TBC1D4: variants seen among roughly 807,000 people sequenced by gnomAD.
TBC1D4 encodes the protein TBC (Tre-2, BUB2, CDC16) domain-containing protein.
In TBC1D4, 121 loss-of-function variants were observed where a neutral mutation model predicts 142.5. That is an observed-to-expected ratio of 0.85 (90% CI 0.73 to 0.99). The LOEUF is 0.99. Ranked by LOEUF, TBC1D4 falls within the 50% of genes least tolerant of loss-of-function variation. The pLI, the probability that TBC1D4 is intolerant of heterozygous loss-of-function variation, is 0.00. For missense variants in TBC1D4, 1,475 were observed against 1,606.6 expected (o/e 0.92, Z 1.40); for synonymous variants, 630 against 628.2 (o/e 1.00, Z -0.04).
At chr13:75,307,124 T>A (rs1877263885) in intron 14 of TBC1D4, among the ~76,000 whole-genome samples, 1 of 152,104 alleles carries the variant, frequency 6.6e-6, no homozygotes, top group African/African-American at 2.4e-5. Flanking sequence ...TACACTTGGC[T>A]AATTTGACAA....
chr13:75,312,030 G>A (rs1475137462), intron 13 of TBC1D4, among the ~76,000 whole-genome samples: 1 of 151,984 alleles, frequency 6.6e-6, no homozygotes, highest in East Asian at 1.9e-4. Flanking sequence ...ATTCTTTTAG[G>A]TGTTATTTTC....
chr13:75,396,531 A>G, intron 1 of TBC1D4, among the ~76,000 whole-genome samples: 1 of 152,190 alleles, frequency 6.6e-6, no homozygotes, highest in East Asian at 1.9e-4. Context: ...GGCATATTGT[A>G]TTTGTGTCAC....
chr13:75,401,352 T>C (rs911134450), intron 1 of TBC1D4, among the ~76,000 whole-genome samples: 1 of 152,176 alleles, frequency 6.6e-6, no homozygotes, highest in Non-Finnish European at 1.5e-5. Flanking sequence ...GAATAACTGA[T>C]TCAATTTGTC....
intron 1 of TBC1D4, among the ~76,000 whole-genome samples, chr13:75,365,687 G>A (rs1439832322): frequency 6.6e-6 from 1 of 152,116 alleles, no homozygotes; most frequent in African/African-American, 2.4e-5. Flanking sequence ...CTTCTTATAT[G>A]TGTTGTATCT....
chr13:75,342,878 A>G (rs1270174338), intron 5 of TBC1D4, among the ~76,000 whole-genome samples: 1 of 151,938 alleles, frequency 6.6e-6, no homozygotes, highest in Non-Finnish European at 1.5e-5. Context: ...GTAGGCTGGC[A>G]TTTTAAAATC....
rs2137808120 is a variant in TBC1D4, at chr13:75,285,457, G to T, written c.*1335C>A. On this transcript the variant is annotated 3_prime_UTR_variant, in exon 21 of 21. Transcript: ENST00000377636. ...ATCAACTTTCAGAGGCACTATCATAGAATCATCTCTGAAAAAGAGAACTGC... is the reference window on the plus strand; with the variant it reads ...ATCAACTTTCAGAGGCACTATCATATAATCATCTCTGAAAAAGAGAACTGC... 6.6e-6 allele frequency: 1 copy of T among 152,398 alleles called. No individual in the cohort carries two copies. The highest frequency in any genetic ancestry group is 2.1e-4 in the South Asian group (1 of 4,826). The allele number at this position is 152,398 out of a possible 1,614,324, so 9.4% of individuals were successfully genotyped here.
chr13:75,340,860 C>T (rs1331926261), intron 7 of TBC1D4, among the ~76,000 whole-genome samples: 3 of 152,134 alleles, frequency 2.0e-5, no homozygotes, highest in South Asian at 2.1e-4. Context: ...GCAGAAGAAT[C>T]GCTTGAACCC....
intron 1 of TBC1D4, among the ~76,000 whole-genome samples, chr13:75,396,899 G>A (rs1047238224): frequency 6.6e-6 from 1 of 152,068 alleles, no homozygotes; most frequent in Non-Finnish European, 1.5e-5. Flanking sequence ...ACACATAAAA[G>A]CATTTTAGAG....
At chr13:75,449,606 G>A (rs1203802226) in intron 1 of TBC1D4, among the ~76,000 whole-genome samples, 2 of 147,122 alleles carry the variant, frequency 1.4e-5, no homozygotes, top group Non-Finnish European at 3.0e-5. Context: ...TTTTTTTTGA[G>A]ATGGAGTCTT....
At chr13:75,408,632 T>G (rs945683864) in intron 1 of TBC1D4, among the ~76,000 whole-genome samples, 4 of 152,194 alleles carry the variant, frequency 2.6e-5, no homozygotes, top group Non-Finnish European at 4.4e-5. Flanking sequence ...TGTTTAACCT[T>G]TCAAAGAACT....
intron 8 of TBC1D4, among the ~76,000 whole-genome samples, chr13:75,332,363 A>G (rs1159888122): frequency 1.3e-5 from 2 of 152,232 alleles, no homozygotes; most frequent in African/African-American, 4.8e-5. Context: ...AAGGCAAATA[A>G]TTCATCCAAG....
At chr13:75,379,029 A>G (rs1377686168) in intron 1 of TBC1D4, among the ~76,000 whole-genome samples, 2 of 152,194 alleles carry the variant, frequency 1.3e-5, no homozygotes, top group Non-Finnish European at 2.9e-5. Context: ...TTTCAGGTAC[A>G]AAATGAACTA....
intron 1 of TBC1D4, among the ~76,000 whole-genome samples, chr13:75,446,287 C>T (rs891132818): frequency 1.6e-4 from 25 of 152,256 alleles, no homozygotes; most frequent in African/African-American, 3.6e-4. Flanking sequence ...GAGACGATTC[C>T]GTAGCTTTTA....
intron 1 of TBC1D4, among the ~76,000 whole-genome samples, chr13:75,430,140 C>T (rs1264074361): frequency 2.6e-5 from 4 of 152,232 alleles, no homozygotes; most frequent in East Asian, 1.9e-4. Context: ...TATGAGTTTA[C>T]ATGAAATATT....
chr13:75,377,500 C>T (rs951532518), intron 1 of TBC1D4, among the ~76,000 whole-genome samples: 1 of 152,036 alleles, frequency 6.6e-6, no homozygotes, highest in Non-Finnish European at 1.5e-5. Context: ...AAAGGGCCCA[C>T]ATGCAACAAT....
intron 1 of TBC1D4, among the ~76,000 whole-genome samples, chr13:75,466,700 A>T (rs1888182026): frequency 6.6e-6 from 1 of 151,710 alleles, no homozygotes; most frequent in Non-Finnish European, 1.5e-5. Flanking sequence ...ATGAAACCCC[A>T]TCTCTACTAA....
intron 1 of TBC1D4, among the ~76,000 whole-genome samples, chr13:75,373,883 G>A (rs1391641644): frequency 6.6e-6 from 1 of 152,006 alleles, no homozygotes; most frequent in Admixed American, 6.6e-5. Context: ...GCATGGGCTG[G>A]CAAAACGATA....
At chr13:75,417,872 G>A (rs761804752) in intron 1 of TBC1D4, among the ~76,000 whole-genome samples, 5 of 152,036 alleles carry the variant, frequency 3.3e-5, no homozygotes, top group Non-Finnish European at 4.4e-5. Context: ...TGTTCACATC[G>A]TGCCAATTAC....
At chr13:75,319,874 T>A in intron 12 of TBC1D4, 140 bp downstream of exon 12, 1 of 765,100 alleles carries the variant, frequency 1.3e-6, no homozygotes, top group Non-Finnish European at 2.1e-6. Context: ...ACATTTTCCC[T>A]ACTATATAGC....
Sources: allele counts gnomAD v4.1 joint callset (sites outside exome capture counted in the v4.1 genomes callset), GRCh38; gene constraint gnomAD v4.1.1; transcripts MANE v1.5; gene names NCBI Gene and HGNC (gene_info 2026-07-23, HGNC 2026-07-21).